CDH12: variants seen among roughly 807,000 people sequenced by gnomAD.
CDH12 encodes cadherin 12, also known as cadherin-12.
A neutral mutation model predicts 74.1 loss-of-function variants in CDH12; 41 were observed. The observed-to-expected ratio is 0.55, with a 90% CI of 0.43 to 0.72. The LOEUF (loss-of-function observed/expected upper bound fraction) is 0.72. CDH12 is among the 30% of genes least tolerant of loss of function. CDH12 has a pLI of 0.00. For missense variants in CDH12, 945 were observed against 977.2 expected (o/e 0.97, Z 0.44); for synonymous variants, 399 against 355.0 (o/e 1.12, Z -1.39).
intron 6 of CDH12, among the ~76,000 whole-genome samples, chr5:21,917,895 A>G (rs560686820): frequency 6.6e-6 from 1 of 152,340 alleles, no homozygotes; most frequent in South Asian, 2.1e-4. Context: ...ACACTGCTTT[A>G]CTGCATATAA....
chr5:22,346,072 C>T (rs1227176856), intron 3 of CDH12, among the ~76,000 whole-genome samples: 1 of 147,226 alleles, frequency 6.8e-6, no homozygotes, highest in Non-Finnish European at 1.5e-5. Context: ...CACCATTGTA[C>T]TCCATCCTGG....
In CDH12 at chr5:21,751,653, A is replaced by G. The variant is rs568362030; in HGVS notation, c.*84T>C. ...GTGTTTGTGTGTGTGTGTGTGTGTG[A>G]GAGAGATTTCTATTAATATTTGTGT... On this transcript the variant is annotated 3_prime_UTR_variant, in exon 15 of 15. Transcript: ENST00000382254. 1 of 490,522 alleles carries G rather than the reference A, an allele frequency of 2.0e-6. No individual in the cohort carries two copies. Among genetic ancestry groups the G allele is most frequent in the Admixed American group, 3.9e-5 (1 of 25,772 alleles). 30.4% of individuals were successfully genotyped at this position (490,522 alleles called of 1,614,324 possible).
intron 3 of CDH12, among the ~76,000 whole-genome samples, chr5:22,336,994 G>T (rs1411656110): frequency 6.6e-6 from 1 of 152,194 alleles, no homozygotes; most frequent in Non-Finnish European, 1.5e-5. Flanking sequence ...CAGGGTTGGA[G>T]CTACCCAAGA....
chr5:22,824,206 C>A (rs1252324860), intron 1 of CDH12, among the ~76,000 whole-genome samples: 1 of 152,054 alleles, frequency 6.6e-6, no homozygotes, highest in African/African-American at 2.4e-5. Flanking sequence ...CAAAAATATT[C>A]TTTACCAGTA....
At chr5:22,803,673 G>C (rs1748644634) in intron 1 of CDH12, among the ~76,000 whole-genome samples, 1 of 152,074 alleles carries the variant, frequency 6.6e-6, no homozygotes, top group Non-Finnish European at 1.5e-5. Context: ...CTTCACCTTG[G>C]CCGCACTTTT....
At chr5:22,078,424 G>A in intron 5 of CDH12, 22 bp downstream of exon 5, 1 of 1,606,812 alleles carries the variant, frequency 6.2e-7, no homozygotes, top group South Asian at 1.1e-5. Context: ...TCAAGCGGTT[G>A]TCAAAAGAAA....
At chr5:21,772,862 C>A (rs1052543504) in intron 11 of CDH12, among the ~76,000 whole-genome samples, 1 of 152,006 alleles carries the variant, frequency 6.6e-6, no homozygotes, top group Non-Finnish European at 1.5e-5. Flanking sequence ...CTGTGATAAT[C>A]AGATACTAAT....
chr5:22,755,601 C>T (rs1745853318), intron 1 of CDH12, among the ~76,000 whole-genome samples: 1 of 152,056 alleles, frequency 6.6e-6, no homozygotes, highest in South Asian at 2.1e-4. Flanking sequence ...ATTCATACAA[C>T]ACAATTGCTT....
At chr5:22,721,443 C>A (rs1156485508) in intron 1 of CDH12, among the ~76,000 whole-genome samples, 2 of 152,234 alleles carry the variant, frequency 1.3e-5, no homozygotes, top group Admixed American at 6.5e-5. Context: ...TACTTAATGC[C>A]TGTACCCTCA....
intron 1 of CDH12, among the ~76,000 whole-genome samples, chr5:22,586,377 T>C (rs1740401941): frequency 1.3e-5 from 2 of 151,896 alleles, no homozygotes; most frequent in South Asian, 4.2e-4. Context: ...TTAGGAGACA[T>C]ACCTAATGTA....
At chr5:22,151,876 G>T (rs1747605091) in intron 4 of CDH12, 2 of 152,116 alleles carry the variant, frequency 1.3e-5, no homozygotes, top group South Asian at 4.1e-4. Flanking sequence ...ATCTGATAAT[G>T]TCAACTTTTG....
intron 3 of CDH12, among the ~76,000 whole-genome samples, chr5:22,360,528 G>C (rs1459222937): frequency 6.6e-6 from 1 of 152,156 alleles, no homozygotes; most frequent in Non-Finnish European, 1.5e-5. Context: ...CATTCCTTCT[G>C]AAACTATTGC....
chr5:22,532,518 C>A (rs1580740016), intron 1 of CDH12, among the ~76,000 whole-genome samples: 2 of 150,730 alleles, frequency 1.3e-5, no homozygotes, highest in South Asian at 2.1e-4. Flanking sequence ...GACAGGATTT[C>A]CAGAGCTCAA....
At chr5:22,499,263 A>T (rs1213402133) in intron 2 of CDH12, among the ~76,000 whole-genome samples, 1 of 152,126 alleles carries the variant, frequency 6.6e-6, no homozygotes, top group Admixed American at 6.5e-5. Context: ...CAGATTCTGA[A>T]ATATCCACGA....
chr5:22,154,282 C>T (rs1747849711), intron 4 of CDH12, among the ~76,000 whole-genome samples: 2 of 151,146 alleles, frequency 1.3e-5, no homozygotes, highest in African/African-American at 4.9e-5. Context: ...TTCAATTATA[C>T]AATATAGTAT....
At chr5:22,712,752 A>G (rs1743352515) in intron 1 of CDH12, among the ~76,000 whole-genome samples, 1 of 152,152 alleles carries the variant, frequency 6.6e-6, no homozygotes, top group African/African-American at 2.4e-5. Flanking sequence ...TTATTTGCTA[A>G]ATGTCACAAA....
At chr5:22,728,910 G>T (rs907617481) in intron 1 of CDH12, among the ~76,000 whole-genome samples, 8 of 151,790 alleles carry the variant, frequency 5.3e-5, no homozygotes, top group Non-Finnish European at 1.2e-4. Flanking sequence ...GAATAGATCA[G>T]TTCTGAGGGG....
intron 1 of CDH12, among the ~76,000 whole-genome samples, chr5:22,710,186 A>G (rs1010933224): frequency 2.0e-5 from 3 of 152,236 alleles, no homozygotes; most frequent in African/African-American, 7.2e-5. Flanking sequence ...TACAGAAATC[A>G]AATTGATTTC....
intron 11 of CDH12, among the ~76,000 whole-genome samples, chr5:21,775,541 C>A (rs967440841): frequency 1.3e-5 from 2 of 152,078 alleles, no homozygotes; most frequent in African/African-American, 2.4e-5. Flanking sequence ...AGCAACTATA[C>A]CACACTGCTT....
Sources: gnomAD v4.1 joint callset for allele counts (sites outside exome capture counted in the v4.1 genomes callset) on GRCh38, gnomAD v4.1.1 for gene constraint, MANE v1.5 for transcripts, NCBI Gene and HGNC (gene_info 2026-07-23, HGNC 2026-07-21) for gene names.